Variants in OPCML observed in about 807,000 individuals in gnomAD.
The protein encoded by OPCML is opioid-binding protein/cell adhesion molecule.
OPCML carries 13 observed loss-of-function variants against 37.8 expected under a neutral mutation model. That is an observed-to-expected ratio of 0.34 (90% CI 0.22 to 0.55). The LOEUF is 0.55. Ranked by LOEUF, OPCML falls within the 20% of genes least tolerant of loss-of-function variation. The pLI is 0.91. For synonymous variants in OPCML, 176 were observed against 168.8 expected (o/e 1.04, Z -0.33); for missense variants, 341 against 435.6 (o/e 0.78, Z 1.93).
chr11:132,499,003 G>A (rs1024690102), intron 4 of OPCML, among the ~76,000 whole-genome samples: 1 of 152,230 alleles, frequency 6.6e-6, no homozygotes, highest in African/African-American at 2.4e-5. Flanking sequence ...TAGGCTTTCT[G>A]CGTCTCAGGC....
chr11:132,892,872 C>T (rs1943705608), intron 2 of OPCML, among the ~76,000 whole-genome samples: 1 of 152,178 alleles, frequency 6.6e-6, no homozygotes, highest in Admixed American at 6.5e-5. Context: ...CAACAAAGCC[C>T]AGCTTTATCT....
chr11:132,664,975 A>G (rs1939508), intron 2 of OPCML, among the ~76,000 whole-genome samples: 78,834 of 152,042 alleles, frequency 0.52, 20,589 homozygotes, highest in Middle Eastern at 0.59. Flanking sequence ...TGACTTTGAA[A>G]TCTGACATAA....
intron 1 of OPCML, among the ~76,000 whole-genome samples, chr11:133,159,021 C>T (rs780902127): frequency 6.6e-6 from 1 of 152,160 alleles, no homozygotes; most frequent in Non-Finnish European, 1.5e-5. Context: ...TGAGTGAAAT[C>T]ACTCTCCAGT....
intron 1 of OPCML, among the ~76,000 whole-genome samples, chr11:133,278,168 A>G (rs1942044860): frequency 6.6e-6 from 1 of 152,034 alleles, no homozygotes; most frequent in South Asian, 2.1e-4. Context: ...TCAGGCTTGG[A>G]TCTCTTGGCA....
At chr11:133,504,904 C>T (rs992064234) in intron 1 of OPCML, among the ~76,000 whole-genome samples, 1 of 152,182 alleles carries the variant, frequency 6.6e-6, no homozygotes, top group Non-Finnish European at 1.5e-5. Context: ...GGGAATTAGT[C>T]CAAACCATTA....
intron 3 of OPCML, among the ~76,000 whole-genome samples, chr11:132,611,386 A>G (rs1938630747): frequency 6.6e-6 from 1 of 152,156 alleles, no homozygotes; most frequent in African/African-American, 2.4e-5. Flanking sequence ...TTCTCCACAC[A>G]GCTTCCTGTG....
At chr11:133,437,494 A>G (rs749842982) in intron 1 of OPCML, among the ~76,000 whole-genome samples, 4 of 152,136 alleles carry the variant, frequency 2.6e-5, no homozygotes, top group Admixed American at 6.5e-5. Flanking sequence ...AGGGTCTGGT[A>G]CACATTTCCT....
At chr11:132,825,426 C>A (rs997864762) in intron 2 of OPCML, among the ~76,000 whole-genome samples, 7 of 152,196 alleles carry the variant, frequency 4.6e-5, no homozygotes, top group Non-Finnish European at 1.0e-4. Flanking sequence ...TTAAATCCCA[C>A]CTCCTCCATT....
chr11:132,756,613 TATA>T (rs1433752028), intron 2 of OPCML, among the ~76,000 whole-genome samples: 2 of 152,136 alleles, frequency 1.3e-5, no homozygotes, highest in Non-Finnish European at 2.9e-5. Context: ...GCATGAGAAA[TATA>T]ATGATAAACA....
At chr11:132,745,955 A>T (rs993381131) in intron 2 of OPCML, among the ~76,000 whole-genome samples, 2 of 152,204 alleles carry the variant, frequency 1.3e-5, no homozygotes, top group African/African-American at 4.8e-5. Flanking sequence ...TGCCACTCCA[A>T]GGGAGCCACT....
intron 1 of OPCML, among the ~76,000 whole-genome samples, chr11:133,012,060 T>C (rs946619787): frequency 9.9e-5 from 15 of 152,158 alleles, no homozygotes; most frequent in Non-Finnish European, 1.5e-5. Context: ...AAAAAAATGG[T>C]TCTCTACTGG....
intron 3 of OPCML, among the ~76,000 whole-genome samples, chr11:132,561,526 G>T (rs764952244): frequency 6.6e-6 from 1 of 152,312 alleles, no homozygotes; most frequent in South Asian, 2.1e-4. Context: ...TTCAGGGCCT[G>T]GTCCAGGGCC....
At chr11:133,316,879 A>C (rs975737260) in intron 1 of OPCML, among the ~76,000 whole-genome samples, 2 of 152,220 alleles carry the variant, frequency 1.3e-5, no homozygotes, top group African/African-American at 4.8e-5. Flanking sequence ...ACTCAGTTTC[A>C]TGATTACATT....
chr11:132,455,706 T>A (rs1031167975), intron 4 of OPCML, among the ~76,000 whole-genome samples: 2 of 152,246 alleles, frequency 1.3e-5, no homozygotes, highest in Non-Finnish European at 2.9e-5. Context: ...TTAAATATCC[T>A]AAGCCATTAC....
chr11:132,641,227 A>T (rs1940833434), intron 3 of OPCML, among the ~76,000 whole-genome samples: 1 of 152,136 alleles, frequency 6.6e-6, no homozygotes, highest in Non-Finnish European at 1.5e-5. Context: ...ATGCCACCAC[A>T]TCCTGAACAT....
At chr11:132,462,786 G>C (rs563491252) in intron 4 of OPCML, among the ~76,000 whole-genome samples, 1 of 152,248 alleles carries the variant, frequency 6.6e-6, no homozygotes, top group Admixed American at 6.5e-5. Flanking sequence ...ACAGAAAGAG[G>C]GTGGCTGGTA....
At chr11:132,852,857 G>A (rs2136333723) in intron 2 of OPCML, among the ~76,000 whole-genome samples, 1 of 151,634 alleles carries the variant, frequency 6.6e-6, no homozygotes, top group Non-Finnish European at 1.5e-5. Flanking sequence ...TTTTTCTATG[G>A]CAAATTTGAA....
At chr11:133,383,463 C>T (rs1388489296) in intron 1 of OPCML, among the ~76,000 whole-genome samples, 1 of 152,162 alleles carries the variant, frequency 6.6e-6, no homozygotes, top group African/African-American at 2.4e-5. Flanking sequence ...CTGCTGCTCT[C>T]CCACATGAGA....
At chr11:133,267,841 C>T (rs1248253199) in intron 1 of OPCML, among the ~76,000 whole-genome samples, 3 of 152,172 alleles carry the variant, frequency 2.0e-5, no homozygotes. Context: ...TCTTGCCTGC[C>T]ACCATGTAAG....
Sources: gnomAD v4.1 joint callset for allele counts (sites outside exome capture counted in the v4.1 genomes callset) on GRCh38, gnomAD v4.1.1 for gene constraint, MANE v1.5 for transcripts, NCBI Gene and HGNC (gene_info 2026-07-23, HGNC 2026-07-21) for gene names.